The following KCNN2 variants were observed in gnomAD, a reference collection of about 807,000 sequenced individuals.
KCNN2 encodes the protein small conductance calcium-activated potassium channel protein 2.
Under a neutral mutation model 55.5 loss-of-function variants are expected in KCNN2, and 24 were observed. That is an observed-to-expected ratio of 0.43 (90% CI 0.31 to 0.61). The LOEUF (loss-of-function observed/expected upper bound fraction) is 0.61. KCNN2 is among the 20% of genes least tolerant of loss of function. KCNN2 has a pLI of 0.08. For missense variants in KCNN2, 754 were observed against 853.6 expected (o/e 0.88, Z 1.45); for synonymous variants, 431 against 336.1 (o/e 1.28, Z -3.09).
chr5:114,102,574 T>C (rs565667325), intron 1 of KCNN2, among the ~76,000 whole-genome samples: 1 of 152,248 alleles, frequency 6.6e-6, no homozygotes, highest in South Asian at 2.1e-4. Flanking sequence ...TTTTAGGTAT[T>C]ATGTTTAAAT....
At chr5:114,182,591 T>G (rs1753261633) in intron 1 of KCNN2, among the ~76,000 whole-genome samples, 1 of 152,136 alleles carries the variant, frequency 6.6e-6, no homozygotes, top group Admixed American at 6.5e-5. Flanking sequence ...TTTTGTGATC[T>G]CTCCTAAACC....
chr5:114,285,699 G>A (rs1177001940), intron 2 of KCNN2, among the ~76,000 whole-genome samples: 1 of 152,126 alleles, frequency 6.6e-6, no homozygotes, highest in Admixed American at 6.6e-5. Flanking sequence ...GTAGGAAGCT[G>A]TTTCAGTCCT....
intron 1 of KCNN2, among the ~76,000 whole-genome samples, chr5:114,099,359 C>T (rs1751329620): frequency 1.3e-5 from 2 of 152,266 alleles, no homozygotes; most frequent in East Asian, 3.9e-4. Flanking sequence ...CTCTTTCCAC[C>T]TCCTTTTTCA....
intron 2 of KCNN2, among the ~76,000 whole-genome samples, chr5:114,328,717 T>C (rs900358514): frequency 6.6e-6 from 1 of 152,138 alleles, no homozygotes; most frequent in African/African-American, 2.4e-5. Flanking sequence ...AAGCTGAACT[T>C]TGGGGCAGTC....
intron 3 of KCNN2, among the ~76,000 whole-genome samples, chr5:114,413,478 G>A (rs1384697649): frequency 2.0e-5 from 3 of 152,082 alleles, no homozygotes; most frequent in Admixed American, 2.0e-4. Context: ...AGTAGAAATG[G>A]GGTTTCACCA....
intron 5 of KCNN2, among the ~76,000 whole-genome samples, chr5:114,474,356 G>A (rs868425638): frequency 2.0e-5 from 3 of 152,182 alleles, no homozygotes; most frequent in South Asian, 2.1e-4. Context: ...GTAGGTCCAC[G>A]TTTATAGTAG....
At chr5:114,361,696 C>CGGGCAGCGCGTCCGGCACTAGTCAAGG (rs1561585576), upstream of KCNN2, among the ~76,000 whole-genome samples, 3 of 152,162 alleles carry the variant, frequency 2.0e-5, no homozygotes, top group Admixed American at 6.5e-5. Flanking sequence ...GCAGGTGATC[C>CGGGCAGCGCGTCCGGCACTAGTCAAGG]GGGCAGCGCG....
chr5:114,131,482 G>A (rs1443519251), intron 1 of KCNN2, among the ~76,000 whole-genome samples: 1 of 152,164 alleles, frequency 6.6e-6, no homozygotes, highest in Non-Finnish European at 1.5e-5. Context: ...TGGCTGCATA[G>A]TATTCCATGG....
intron 2 of KCNN2, among the ~76,000 whole-genome samples, chr5:114,270,469 A>G (rs1755305007): frequency 6.6e-6 from 1 of 152,182 alleles, no homozygotes; most frequent in African/African-American, 2.4e-5. Flanking sequence ...GAATATGGTA[A>G]TATACTATAA....
chr5:114,094,608 T>C (rs1019110122), intron 1 of KCNN2, among the ~76,000 whole-genome samples: 1 of 152,232 alleles, frequency 6.6e-6, no homozygotes, highest in Non-Finnish European at 1.5e-5. Context: ...AAAGTGATTT[T>C]TCAAAGGTTA....
At chr5:114,378,322 A>G (rs1758003753) in intron 2 of KCNN2, among the ~76,000 whole-genome samples, 1 of 152,198 alleles carries the variant, frequency 6.6e-6, no homozygotes. Context: ...CTGGTCCTTT[A>G]CAGAAAAAGT....
chr5:114,104,851 G>A (rs1019030615), intron 1 of KCNN2, among the ~76,000 whole-genome samples: 1 of 151,902 alleles, frequency 6.6e-6, no homozygotes, highest in Non-Finnish European at 1.5e-5. Context: ...GAGGAAAAAT[G>A]TTTAGGCAGG....
chr5:114,476,112 G>A (rs961126708), intron 5 of KCNN2, among the ~76,000 whole-genome samples: 1 of 151,258 alleles, frequency 6.6e-6, no homozygotes, highest in Non-Finnish European at 1.5e-5. Context: ...ATGTATACAT[G>A]TGCCATGCTG....
chr5:114,310,210 A>G (rs1472287643), intron 2 of KCNN2, among the ~76,000 whole-genome samples: 3 of 152,210 alleles, frequency 2.0e-5, no homozygotes, highest in Non-Finnish European at 4.4e-5. Context: ...TTGCATACCA[A>G]CACAAGAGAG....
At chr5:114,486,834 G>A in intron 5 of KCNN2, 1 of 1,223,076 alleles carries the variant, frequency 8.2e-7, no homozygotes, top group Admixed American at 2.4e-5. Flanking sequence ...GAAAGAAAGT[G>A]GTAGTATCTC....
intron 2 of KCNN2, among the ~76,000 whole-genome samples, chr5:114,401,483 T>C (rs1758785613): frequency 6.6e-6 from 1 of 152,206 alleles, no homozygotes; most frequent in Non-Finnish European, 1.5e-5. Context: ...CAAGGAAGTT[T>C]ATTTATCAAG....
chr5:114,072,816 C>G lies in KCNN2; in HGVS notation c.-271+16316C>G, dbSNP rs144519121. Among the ~76,000 whole-genome samples the G allele has an allele frequency of 2.5e-3, 378 of 152,202 alleles. 3 individuals carry two copies. The highest frequency in any genetic ancestry group is 8.7e-3 in the African/African-American group (363 of 41,502). ...ATTTGTAACATGGAGGTAACAGTAT[C>G]TACTTTATAAGGTAGCTATGAATAT... On this transcript the variant is annotated intron_variant, in intron 1 of 10. Transcript: ENST00000512097.
chr5:114,421,643 C>A (rs1297879457), intron 3 of KCNN2, among the ~76,000 whole-genome samples: 2 of 151,660 alleles, frequency 1.3e-5, no homozygotes, highest in Non-Finnish European at 2.9e-5. Context: ...GAATTTCACT[C>A]TTGTTACCCA....
intron 1 of KCNN2, among the ~76,000 whole-genome samples, chr5:114,086,561 G>T (rs1751020480): frequency 6.6e-6 from 1 of 151,902 alleles, no homozygotes; most frequent in Non-Finnish European, 1.5e-5. Context: ...GCATTAATTT[G>T]CTTAGGATAA....
Sources: allele counts gnomAD v4.1 joint callset (sites outside exome capture counted in the v4.1 genomes callset), GRCh38; gene constraint gnomAD v4.1.1; transcripts MANE v1.5; gene names NCBI Gene and HGNC (gene_info 2026-07-23, HGNC 2026-07-21).